The following SDK1 variants were observed in gnomAD, a reference collection of about 807,000 sequenced individuals.
SDK1 encodes the protein sidekick cell adhesion molecule 1.
Under a neutral mutation model 245.5 loss-of-function variants are expected in SDK1, and 157 were observed. The observed-to-expected ratio is 0.64, with a 90% CI of 0.56 to 0.73. The LOEUF (loss-of-function observed/expected upper bound fraction) is 0.73. SDK1 is among the 30% of genes least tolerant of loss of function. The pLI is 0.00. For synonymous variants in SDK1, 1,647 were observed against 1,278.5 expected (o/e 1.29, Z -6.15); for missense variants, 3,583 against 3,002.3 (o/e 1.19, Z -4.52).
rs191588852 is a variant in SDK1 at position 3,566,601 on chromosome 7, A to G, written c.299-52479A>G. Among the ~76,000 whole-genome samples the G allele has an allele frequency of 8.5e-5, 13 of 152,226 alleles. No individual in the cohort carries two copies. In the East Asian group the frequency reaches 2.5e-3, roughly 29 times the overall value. On this transcript the variant is annotated intron_variant, in intron 1 of 44. Transcript: ENST00000404826. Reference sequence around the variant, plus strand: ...TTTATCACCATTACAGATTCTGTTCAATGAAGGTATCTGTAGACAGATGGG... The same window carrying G: ...TTTATCACCATTACAGATTCTGTTCGATGAAGGTATCTGTAGACAGATGGG...
At chr7:3,640,111 C>G (rs1782604152) in intron 3 of SDK1, among the ~76,000 whole-genome samples, 2 of 152,098 alleles carry the variant, frequency 1.3e-5, no homozygotes, top group East Asian at 1.9e-4. Context: ...CCTGCTCCAT[C>G]CAGCCTTCCA....
chr7:3,336,426 C>T (rs1397932840), intron 1 of SDK1, among the ~76,000 whole-genome samples: 4 of 152,136 alleles, frequency 2.6e-5, no homozygotes, highest in African/African-American at 9.7e-5. Context: ...CAGCAAGGCC[C>T]AGGTTAGGGC....
intron 15 of SDK1, among the ~76,000 whole-genome samples, 168 bp from the exon 16 acceptor site, chr7:4,011,927 C>G (rs1366604829): frequency 1.3e-5 from 2 of 152,166 alleles, no homozygotes; most frequent in African/African-American, 2.4e-5. Flanking sequence ...TTTGTGGTAA[C>G]TGTTTCTCAC....
intron 1 of SDK1, among the ~76,000 whole-genome samples, chr7:3,576,626 A>G (rs1193232737): frequency 6.6e-6 from 1 of 151,944 alleles, no homozygotes; most frequent in Admixed American, 6.5e-5. Flanking sequence ...GTCATAATAT[A>G]TTCTGTCATT....
chr7:3,438,168 T>C (rs758753351), intron 1 of SDK1, among the ~76,000 whole-genome samples: 1 of 152,242 alleles, frequency 6.6e-6, no homozygotes, highest in Non-Finnish European at 1.5e-5. Context: ...ATGGTCTTTT[T>C]GTTCATTTTA....
chr7:3,699,371 T>C (rs1784674794), intron 4 of SDK1, among the ~76,000 whole-genome samples: 1 of 151,868 alleles, frequency 6.6e-6, no homozygotes, highest in Non-Finnish European at 1.5e-5. Context: ...ATTACAAACA[T>C]GCTGGAAATA....
intron 43 of SDK1, among the ~76,000 whole-genome samples, chr7:4,245,263 C>A (rs980123579): frequency 6.6e-6 from 1 of 152,164 alleles, no homozygotes; most frequent in African/African-American, 2.4e-5. Context: ...AATTCCCACT[C>A]CTTAGCATGG....
At chr7:3,334,161 C>G (rs540445057) in intron 1 of SDK1, among the ~76,000 whole-genome samples, 14 of 152,190 alleles carry the variant, frequency 9.2e-5, no homozygotes, top group Non-Finnish European at 1.8e-4. Context: ...TTTCCAGACT[C>G]TGCAGAGCTA....
At chr7:3,480,450 G>T (rs1161269977) in intron 1 of SDK1, among the ~76,000 whole-genome samples, 1 of 151,310 alleles carries the variant, frequency 6.6e-6, no homozygotes, top group Non-Finnish European at 1.5e-5. Context: ...AAGAACTTCC[G>T]TGTTCCAGAT....
chr7:3,684,344 C>T (rs1784208353), intron 4 of SDK1, among the ~76,000 whole-genome samples: 1 of 152,186 alleles, frequency 6.6e-6, no homozygotes, highest in Non-Finnish European at 1.5e-5. Context: ...GTCAGCCTCC[C>T]CTCCCCCTTC....
intron 40 of SDK1, among the ~76,000 whole-genome samples, chr7:4,231,177 G>C (rs563088400): frequency 6.6e-6 from 1 of 152,214 alleles, no homozygotes; most frequent in South Asian, 2.1e-4. Flanking sequence ...CAGCATCCTA[G>C]GAGAAAGAAG....
intron 1 of SDK1, among the ~76,000 whole-genome samples, chr7:3,402,366 C>T (rs78442792): frequency 0.047 from 7,165 of 152,178 alleles, 459 homozygotes; most frequent in African/African-American, 0.14. Context: ...GAAATTCACT[C>T]GGAAGCACAA....
chr7:3,678,942 A>T lies in SDK1; in HGVS notation c.713+36837A>T, dbSNP rs551431844. Among the ~76,000 whole-genome samples the T allele has an allele frequency of 2.7e-3, 412 of 152,332 alleles. 3 individuals carry two copies. Among genetic ancestry groups the T allele is most frequent in the Non-Finnish European group, 3.0e-3 (204 of 68,038 alleles). ...TTTAAAAAAACTTAAATGAACAACA[A>T]CAACAAAATGACAAAACATACGAGA... On this transcript the variant is annotated intron_variant, in intron 4 of 44. Coordinates refer to ENST00000404826, the MANE Select transcript of SDK1 (RefSeq NM_152744.4).
chr7:4,247,629 C>T (rs1379728076), intron 44 of SDK1, among the ~76,000 whole-genome samples: 2 of 152,222 alleles, frequency 1.3e-5, no homozygotes, highest in Non-Finnish European at 2.9e-5. Context: ...GCTGCTCTTT[C>T]GAGTATCCAG....
At position 3,996,283 on chromosome 7, in the gene SDK1, A is replaced by C. The variant is rs571974647; in HGVS notation, c.2131+8961A>C. On this transcript the variant is annotated intron_variant, in intron 14 of 44. Transcript: ENST00000404826. ...TTTTCTGCCAGTTTTATAGTATTTT[A>C]ATTGCTTTACTTCCAAAAGGTGTTT... 5.3e-5 allele frequency among the ~76,000 whole-genome samples: 8 copies of C among 152,266 alleles called. No individual in the cohort carries two copies. The South Asian group carries it at 1.7e-3, about 32-fold the overall frequency.
intron 1 of SDK1, among the ~76,000 whole-genome samples, chr7:3,343,730 A>G (rs1476612970): frequency 2.3e-5 from 3 of 128,822 alleles, no homozygotes; most frequent in Non-Finnish European, 5.0e-5. Flanking sequence ...AAAGTTAAAT[A>G]TGAATGGACT....
chr7:4,233,167 A>T (rs1169495366), intron 40 of SDK1, 88 bp from the exon 41 acceptor site: 3 of 1,337,908 alleles, frequency 2.2e-6, no homozygotes, highest in Non-Finnish European at 3.1e-6. Flanking sequence ...GGGCTGCTGC[A>T]AGCCGACCCA....
chr7:4,049,865 T>A (rs1319737213), intron 18 of SDK1, among the ~76,000 whole-genome samples: 2 of 152,164 alleles, frequency 1.3e-5, no homozygotes, highest in Non-Finnish European at 2.9e-5. Flanking sequence ...AAGGATAGTT[T>A]TCTCTCCTCC....
chr7:3,829,458 T>C (rs920332873), intron 5 of SDK1, among the ~76,000 whole-genome samples: 4 of 152,226 alleles, frequency 2.6e-5, no homozygotes, highest in Non-Finnish European at 5.9e-5. Flanking sequence ...CAATCAACTC[T>C]GTTTCAAAGC....
Sources: gnomAD v4.1 joint callset for allele counts (sites outside exome capture counted in the v4.1 genomes callset) on GRCh38, gnomAD v4.1.1 for gene constraint, MANE v1.5 for transcripts, NCBI Gene and HGNC (gene_info 2026-07-23, HGNC 2026-07-21) for gene names.